The following TOP3B variants were observed in gnomAD, a reference collection of about 807,000 sequenced individuals.
TOP3B encodes the protein DNA topoisomerase 3-beta-1.
In TOP3B, 45 loss-of-function variants were observed where a neutral mutation model predicts 93.9. The ratio of observed to expected loss-of-function variants is 0.48; its 90% confidence interval spans 0.38 to 0.61. The LOEUF (loss-of-function observed/expected upper bound fraction) is 0.61, where lower values mean the gene tolerates loss of function less well. Ranked by LOEUF, TOP3B falls within the 20% of genes least tolerant of loss-of-function variation. The probability of loss-of-function intolerance (pLI) is 0.00; values close to 1 mark genes in which losing one functional copy is unlikely to be tolerated. For missense variants in TOP3B, 750 were observed against 1,156.1 expected, an observed-to-expected ratio of 0.65 and a Z score of 5.09; for synonymous variants, 357 against 472.6, an observed-to-expected ratio of 0.76 and a Z score of 3.17.
intron 1 of TOP3B, among the ~76,000 whole-genome samples, chr22:21,981,753 G>A (rs903088463): frequency 3.3e-5 from 5 of 151,984 alleles, no homozygotes; most frequent in African/African-American, 1.2e-4. Flanking sequence ...CTGAGATCGC[G>A]CCACTGCACT....
At chr22:21,960,238 G>T in intron 14 of TOP3B, 83 bp downstream of exon 14, 1 of 1,593,670 alleles carries the variant, frequency 6.3e-7, no homozygotes, top group Non-Finnish European at 8.6e-7. Flanking sequence ...GCAGGGGCCT[G>T]TCTGGAGCGG....
At position 21,958,621 on chromosome 22, in the gene TOP3B, G is replaced by A. The variant is rs750045514; in HGVS notation, c.1978C>T (p.Leu660Phe). 3 of 1,613,930 alleles carry A rather than the reference G, an allele frequency of 1.9e-6. No homozygotes were observed. Among genetic ancestry groups the A allele is most frequent in the African/African-American group, 2.7e-5 (2 of 74,994 alleles). The change falls in exon 17 of 18, where the codon CTC becomes TTC. Residue 660 changes from leucine to phenylalanine, a missense_variant. Physicochemically the swap from Leu to Phe is conservative, Grantham distance 22. This residue lies in a region of TOP3B where 737 missense variants were observed against 933.7 expected (regional missense o/e 0.79). Transcript: ENST00000357179. ...AGAGGGCAGCGGAGCTCCTTGTAGAGCTTGATGGTGCCGTTCTGGGGGAGC... is the reference window on the plus strand; with the variant it reads ...AGAGGGCAGCGGAGCTCCTTGTAGAACTTGATGGTGCCGTTCTGGGGGAGC... ...YTLPQNGTIK[L>F]YKELRCPLDD...
At chr22:21,959,442 CAGG>C (rs1334439016) in intron 15 of TOP3B, 142 bp downstream of exon 15, 6 of 1,503,838 alleles carry the variant, frequency 4.0e-6, no homozygotes, top group Non-Finnish European at 5.3e-6. Flanking sequence ...TCAACCCAGC[CAGG>C]AGGTGTCACT....
intron 8 of TOP3B, chr22:21,967,358 G>A (rs2071453781): frequency 2.0e-6 from 1 of 489,792 alleles, no homozygotes; most frequent in Non-Finnish European, 3.7e-6. Context: ...GGTCCGACAA[G>A]GTCACAGGTG....
At position 21,968,777 on chromosome 22, in the gene TOP3B, T is replaced by TGG; in HGVS notation, c.582-4_582-3dup. 6.2e-7 allele frequency: 1 copy of TGG among 1,614,020 alleles called. No individual in the cohort carries two copies. Among genetic ancestry groups the TGG allele is most frequent in the Non-Finnish European group, 8.5e-7 (1 of 1,179,934 alleles). ...CCCTGGAAATATTTAGTCTGAAACCTGGAGGGAGTGGAAAGATATTTTGGT... is the reference window on the plus strand; with the variant it reads ...CCCTGGAAATATTTAGTCTGAAACCTGGGGAGGGAGTGGAAAGATATTTTGGT... On this transcript the variant is annotated splice_polypyrimidine_tract_variant and splice_region_variant and intron_variant, in intron 6 of 17. Transcript: ENST00000357179.
In TOP3B at chr22:21,975,720, T is replaced by C. The variant is rs571378534; in HGVS notation, c.-11A>G. 42 of 1,603,572 alleles carry C rather than the reference T, an allele frequency of 2.6e-5. No individual in the cohort carries two copies. In the South Asian group the frequency reaches 4.2e-4, roughly 16 times the overall value. On this transcript the variant is annotated 5_prime_UTR_variant, in exon 2 of 18. Coordinates refer to ENST00000357179, the MANE Select transcript of TOP3B (RefSeq NM_001282112.2). ...GAGCACAGTCTTCATTTTGTCTCGG[T>C]CCTTCACACTCCAGTTTCGGGGCAC...
intron 13 of TOP3B, 99 bp from the exon 14 acceptor site, chr22:21,960,548 C>T (rs1875772024): frequency 8.6e-6 from 13 of 1,514,304 alleles, no homozygotes; most frequent in South Asian, 2.4e-5. Context: ...GTGCTCAGGC[C>T]CTCTCACTGC....
In TOP3B at chr22:21,965,355, T is replaced by C; in HGVS notation, c.873A>G (p.Lys291=). 1 of 1,606,232 alleles carries C rather than the reference T, an allele frequency of 6.2e-7. No individual in the cohort carries two copies. Among genetic ancestry groups the C allele is most frequent in the Non-Finnish European group, 8.5e-7 (1 of 1,176,372 alleles). Reference sequence around the variant, plus strand: ...CCAGGGGCCTCTGCTTGGCCTTTTCTTTCCTGCTTGTGGCCTCCACCTGGA... The same window carrying C: ...CCAGGGGCCTCTGCTTGGCCTTTTCCTTCCTGCTTGTGGCCTCCACCTGGA... ...KEAQVEATSR[K]EKAKQRPLAL... is the part of the protein sequence containing the mutation. The change falls in exon 9 of 18, where the codon AAA becomes AAG. Residue 291 remains lysine (K), a synonymous_variant. Coordinates refer to ENST00000357179, the MANE Select transcript of TOP3B (RefSeq NM_001282112.2).
Position 21,970,411 on chromosome 22 carries a change from G to C in TOP3B, c.385-5C>G. On this transcript the variant is annotated splice_polypyrimidine_tract_variant and splice_region_variant and intron_variant, in intron 5 of 17. Coordinates refer to ENST00000357179, the MANE Select transcript of TOP3B (RefSeq NM_001282112.2). This position sits in a 1 kb window ranked among gnomAD's most constrained non-coding sequence, Gnocchi z 4.4. Reference sequence around the variant, plus strand: ...GGGCAGAACAGCATCAAGAACCTGGGGGTGGGGAGTGGCCAGCTGTGACCC... The same window carrying C: ...GGGCAGAACAGCATCAAGAACCTGGCGGTGGGGAGTGGCCAGCTGTGACCC... 6.2e-7 allele frequency: 1 copy of C among 1,613,098 alleles called. No homozygotes were observed. The highest frequency in any genetic ancestry group is 2.2e-5 in the East Asian group (1 of 44,850).
intron 1 of TOP3B, among the ~76,000 whole-genome samples, chr22:21,979,907 C>G (rs377239478): frequency 1.8e-4 from 26 of 141,668 alleles, no homozygotes; most frequent in East Asian, 8.3e-4. Context: ...CGCCACTGCA[C>G]TCCAGCCTGG....
At chr22:21,959,272 T>G (rs1412122782) in intron 15 of TOP3B, 40 bp from the exon 16 acceptor site, 1 of 1,606,120 alleles carries the variant, frequency 6.2e-7, no homozygotes, top group East Asian at 2.2e-5. Context: ...TCCCTCCCAG[T>G]CCCCAGCAAA....
chr22:21,958,619 G>C lies in TOP3B; in HGVS notation c.1980C>G (p.Leu660=). Reference sequence around the variant, plus strand: ...CCAGAGGGCAGCGGAGCTCCTTGTAGAGCTTGATGGTGCCGTTCTGGGGGA... The same window carrying C: ...CCAGAGGGCAGCGGAGCTCCTTGTACAGCTTGATGGTGCCGTTCTGGGGGA... ...YTLPQNGTIK[L]YKELRCPLDD... is the part of the protein sequence containing the mutation. The change falls in exon 17 of 18, where the codon CTC becomes CTG. Residue 660 remains leucine (L), a synonymous_variant. Transcript: ENST00000357179. The C allele has an allele frequency of 6.2e-7, 1 of 1,614,116 alleles. No homozygotes were observed. The highest frequency in any genetic ancestry group is 1.1e-5 in the South Asian group (1 of 91,080).
chr22:21,962,787 G>A lies in TOP3B; in HGVS notation c.1311C>T (p.Pro437=), dbSNP rs1413687037. 8.1e-6 allele frequency: 13 copies of A among 1,613,994 alleles called. No homozygotes were observed. The highest frequency in any genetic ancestry group is 3.3e-5 in the South Asian group (3 of 91,090). The change falls in exon 12 of 18, where the codon CCC becomes CCT. Residue 437 remains proline (P), a synonymous_variant. Transcript: ENST00000357179. ...LQSTISFRIG[P]ELFTCSGKTV... is the part of the protein sequence containing the mutation. ...TCTTCCCGGAGCAGGTGAAGAGCTC[G>A]GGCCCAATTCTGAAGGAGATGGTGC... is the stretch of plus-strand genomic sequence containing the variant.
chr22:21,969,142 T>A, intron 6 of TOP3B: 1 of 176,700 alleles, frequency 5.7e-6, no homozygotes, highest in African/African-American at 2.4e-5. Context: ...TAGGTCTCTT[T>A]TGTTTTTGTA....
In TOP3B at chr22:21,959,228, C is replaced by T. The variant is rs2071061795; in HGVS notation, c.1809G>A (p.Met603Ile). Residue 603 changes from methionine (M) to isoleucine (I), a missense_variant, in exon 16 of 18, where the codon ATG becomes ATA. Around this residue, in one of 4 missense-constraint regions of TOP3B, gnomAD observed 737 missense variants for 933.7 expected, o/e 0.79. Transcript: ENST00000357179. ...FHYFVDSIAGMDELMEVSFSP... is the reference protein window; with the variant it reads ...FHYFVDSIAGIDELMEVSFSP... Reference sequence around the variant, plus strand: ...AGAAAGACACCTCCATCAACTCATCCATGCCTGCGGGCAAGCAGAGTGCAG... The same window carrying T: ...AGAAAGACACCTCCATCAACTCATCTATGCCTGCGGGCAAGCAGAGTGCAG... The T allele has an allele frequency of 6.2e-7, 1 of 1,612,602 alleles. No homozygotes were observed. Among genetic ancestry groups the T allele is most frequent in the East Asian group, 2.2e-5 (1 of 44,882 alleles).
chr22:21,962,697 TTGTC>T (rs762338633), intron 12 of TOP3B, 46 bp downstream of exon 12: 45 of 1,610,790 alleles, frequency 2.8e-5, no homozygotes, highest in Non-Finnish European at 3.8e-5. Context: ...TGTAGAATGT[TTGTC>T]TGCCCATGAA....
At chr22:21,975,422 T>G in intron 2 of TOP3B, 1 of 479,540 alleles carries the variant, frequency 2.1e-6, no homozygotes, top group South Asian at 3.8e-5. Context: ...TCAATTTCAT[T>G]GTAAATTGTG....
At chr22:21,957,858 T>C in intron 17 of TOP3B, 1 of 1,525,524 alleles carries the variant, frequency 6.6e-7, no homozygotes, top group Non-Finnish European at 8.8e-7. Context: ...ATCCCCCCTT[T>C]GCTTTGCTGC....
chr22:21,960,418 G>A lies in TOP3B; in HGVS notation c.1557C>T (p.Asn519=). Residue 519 remains asparagine, a synonymous_variant, in exon 14 of 18, where the codon AAC becomes AAT. Transcript: ENST00000357179. The stretch of plus-strand genomic sequence containing the variant: ...TGACATAGTTGCGCTGGCAGATGTT[G>A]TTGATATGCACAGGGATGCTGGCAT... ...GTDASIPVHI[N]NICQRNYVTV... The A allele has an allele frequency of 1.9e-6, 3 of 1,613,692 alleles. No individual in the cohort carries two copies. The highest frequency in any genetic ancestry group is 2.5e-6 in the Non-Finnish European group (3 of 1,179,990).
Sources: gnomAD v4.1 joint callset for allele counts (sites outside exome capture counted in the v4.1 genomes callset) on GRCh38, gnomAD v4.1.1 for gene constraint, gnomAD v4.1.1 regional missense constraint, Gnocchi (gnomAD v3.1) non-coding constraint, MANE v1.5 for transcripts, NCBI Gene and HGNC (gene_info 2026-07-23, HGNC 2026-07-21) for gene names.